The following SHOC2 variants were observed in gnomAD, a reference collection of about 807,000 sequenced individuals.
The protein encoded by SHOC2 is SHOC2 leucine rich repeat scaffold protein, also known as leucine-rich repeat protein SHOC-2.
In SHOC2, 4 loss-of-function variants were observed where a neutral mutation model predicts 50.2. That is an observed-to-expected ratio of 0.08 (90% CI 0.04 to 0.18). The LOEUF (loss-of-function observed/expected upper bound fraction) is 0.18, where lower values mean the gene tolerates loss of function less well. Among genes scored for constraint, SHOC2 ranks in the 10% least tolerant of loss-of-function variants. The probability of loss-of-function intolerance (pLI) is 1.00; values close to 1 mark genes in which losing one functional copy is unlikely to be tolerated. For synonymous variants in SHOC2, 218 were observed against 244.5 expected (o/e 0.89, Z 1.01); for missense variants, 388 against 669.6 (o/e 0.58, Z 4.64).
At chr10:110,976,456 T>TACA (rs1475937761) in intron 2 of SHOC2, among the ~76,000 whole-genome samples, 4 of 151,610 alleles carry the variant, frequency 2.6e-5, no homozygotes, top group Non-Finnish European at 5.9e-5. Flanking sequence ...GGACTACAGG[T>TACA]GTGTGCACCA....
Position 111,002,348 on chromosome 10 carries a change from A to G in SHOC2, c.972+1803A>G, listed in dbSNP as rs969627886. Among the ~76,000 whole-genome samples, 7 of 152,356 alleles carry G rather than the reference A, an allele frequency of 4.6e-5. No homozygotes were observed. The East Asian group carries it at 9.7e-4, about 21-fold the overall frequency. ...TTAGACAGCACTTATGAGATACTCAAGCTGGGTTAGGCAAGAAATCATGAA... is the reference window on the plus strand; with the variant it reads ...TTAGACAGCACTTATGAGATACTCAGGCTGGGTTAGGCAAGAAATCATGAA... On this transcript the variant is annotated intron_variant, in intron 4 of 8. Transcript: ENST00000369452.
chr10:110,999,883 G>C (rs1053527030), intron 3 of SHOC2, among the ~76,000 whole-genome samples: 1 of 152,072 alleles, frequency 6.6e-6, no homozygotes, highest in Non-Finnish European at 1.5e-5. Flanking sequence ...GTTTTGGGGA[G>C]GGGGTTGAGA....
At chr10:110,956,300 G>A (rs985161069) in intron 1 of SHOC2, among the ~76,000 whole-genome samples, 34 of 151,942 alleles carry the variant, frequency 2.2e-4, no homozygotes, top group Admixed American at 6.6e-5. Context: ...TGCAACCTCC[G>A]CCTCCCGGGT....
At chr10:110,974,176 A>G (rs184814797) in intron 2 of SHOC2, among the ~76,000 whole-genome samples, 1 of 152,198 alleles carries the variant, frequency 6.6e-6, no homozygotes, top group African/African-American at 2.4e-5. Flanking sequence ...CTTTTTTAGC[A>G]GCACACAAAT....
rs375382387 is a variant in SHOC2, at chr10:110,967,476, A to G, written c.703+2415A>G. Among the ~76,000 whole-genome samples the G allele has an allele frequency of 4.6e-5, 7 of 152,232 alleles. No individual in the cohort carries two copies. In the East Asian group the frequency reaches 5.8e-4, roughly 13 times the overall value. ...TTGGGTTTAACAGTTTAATTATAAT[A>G]TAATTCACATACCATACAATATACA... On this transcript the variant is annotated intron_variant, in intron 2 of 8. Coordinates refer to ENST00000369452, the MANE Select transcript of SHOC2 (RefSeq NM_007373.4).
chr10:110,974,067 G>GC (rs1000800544), intron 2 of SHOC2, among the ~76,000 whole-genome samples: 4 of 151,684 alleles, frequency 2.6e-5, no homozygotes, highest in Non-Finnish European at 4.4e-5. Context: ...GGTTTAATAC[G>GC]CTTTTCTTTG....
intron 1 of SHOC2, among the ~76,000 whole-genome samples, chr10:110,931,038 C>T (rs1264540456): frequency 2.6e-5 from 4 of 151,986 alleles, no homozygotes; most frequent in Admixed American, 6.6e-5. Flanking sequence ...GTAAATTACA[C>T]GTAAAGTCTT....
rs750636903 is a variant in SHOC2 at position 110,971,264 on chromosome 10, C to CAT, written c.703+6214_703+6215dup. On this transcript the variant is annotated intron_variant, in intron 2 of 8. Transcript: ENST00000369452. ...ATAGGGGTCTAGTTTCATTCTTCTGCATATATATATATCCAGCTTTCTCAG... is the reference window on the plus strand; with the variant it reads ...ATAGGGGTCTAGTTTCATTCTTCTGCATATATATATATATCCAGCTTTCTCAG... 1.0e-3 allele frequency among the ~76,000 whole-genome samples: 159 copies of CAT among 151,900 alleles called. No homozygotes were observed. The South Asian group carries it at 0.014, about 13-fold the overall frequency.
intron 1 of SHOC2, among the ~76,000 whole-genome samples, chr10:110,934,158 G>T (rs1017943390): frequency 1.3e-5 from 2 of 152,136 alleles, no homozygotes; most frequent in South Asian, 4.1e-4. Flanking sequence ...TTGGAACTAC[G>T]TATAAAAATT....
chr10:110,972,441 T>G (rs1272212869), intron 2 of SHOC2, among the ~76,000 whole-genome samples: 3 of 152,202 alleles, frequency 2.0e-5, no homozygotes, highest in Admixed American at 2.0e-4. Flanking sequence ...TGTTAATAAA[T>G]AACTTCTTTT....
At chr10:111,007,019 AT>A (rs1394335024) in intron 5 of SHOC2, among the ~76,000 whole-genome samples, 3 of 152,010 alleles carry the variant, frequency 2.0e-5, no homozygotes, top group African/African-American at 7.2e-5. Flanking sequence ...TAAATACCTG[AT>A]TAGTGTTTTA....
chr10:111,011,982 T>C lies in SHOC2; in HGVS notation c.*164T>C, dbSNP rs191293913. The C allele has an allele frequency of 3.1e-6, 2 of 641,184 alleles. No individual in the cohort carries two copies. Among genetic ancestry groups the C allele is most frequent in the Admixed American group, 5.7e-5 (2 of 35,180 alleles). 39.7% of individuals were successfully genotyped at this position (641,184 alleles called of 1,614,324 possible). A position where few individuals can be genotyped will look rare whatever the true frequency, so the allele number is the denominator to read the frequency against. The stretch of plus-strand genomic sequence containing the variant: ...AATCATAGCCATTTAGAATTTTTTT[T>C]AAATTCTGTACAAAAGGCTTATATA... On this transcript the variant is annotated 3_prime_UTR_variant, in exon 9 of 9. Transcript: ENST00000369452.
chr10:110,952,454 A>G (rs1247574523), intron 1 of SHOC2, among the ~76,000 whole-genome samples: 1 of 152,130 alleles, frequency 6.6e-6, no homozygotes, highest in South Asian at 2.1e-4. Context: ...TATAACTATC[A>G]CTATAGTATC....
At chr10:111,002,399 A>G (rs1308017652) in intron 4 of SHOC2, among the ~76,000 whole-genome samples, 1 of 152,214 alleles carries the variant, frequency 6.6e-6, no homozygotes, top group Non-Finnish European at 1.5e-5. Flanking sequence ...GGGCATATTA[A>G]ATAGCTGAAA....
intron 3 of SHOC2, among the ~76,000 whole-genome samples, chr10:110,995,425 A>T (rs193224864): frequency 9.2e-5 from 14 of 152,342 alleles, no homozygotes; most frequent in Non-Finnish European, 1.9e-4. Flanking sequence ...TATGGAAGAA[A>T]AATGCAGTCC....
chr10:110,998,912 A>C (rs529756267), intron 3 of SHOC2, among the ~76,000 whole-genome samples: 1 of 152,346 alleles, frequency 6.6e-6, no homozygotes, highest in South Asian at 2.1e-4. Flanking sequence ...TGCCCTCTTA[A>C]GGTGTCAAGG....
chr10:111,004,508 C>A (rs369588373), intron 4 of SHOC2, 98 bp from the exon 5 acceptor site: 1 of 843,830 alleles, frequency 1.2e-6, no homozygotes, highest in Middle Eastern at 3.0e-4. Context: ...TTGTCACCCC[C>A]CAAAGCCCTT....
At chr10:111,009,454 T>C in intron 7 of SHOC2, 69 bp downstream of exon 7, 2 of 1,339,066 alleles carry the variant, frequency 1.5e-6, no homozygotes, top group Non-Finnish European at 2.1e-6. Flanking sequence ...ACATTTCTCT[T>C]AAGATTTTGA....
chr10:110,931,039 G>GT (rs1030911856), intron 1 of SHOC2, among the ~76,000 whole-genome samples: 5 of 152,020 alleles, frequency 3.3e-5, no homozygotes, highest in African/African-American at 1.2e-4. Context: ...TAAATTACAC[G>GT]TAAAGTCTTT....
Sources: allele counts gnomAD v4.1 joint callset (sites outside exome capture counted in the v4.1 genomes callset), GRCh38; gene constraint gnomAD v4.1.1; transcripts MANE v1.5; gene names NCBI Gene and HGNC (gene_info 2026-07-23, HGNC 2026-07-21).